The following NIBAN1 variants were observed in gnomAD, a reference collection of about 807,000 sequenced individuals.
NIBAN1 encodes the protein protein Niban 1.
A neutral mutation model predicts 75.1 loss-of-function variants in NIBAN1; 81 were observed. That is an observed-to-expected ratio of 1.08 (90% CI 0.90 to 1.30). NIBAN1 has a LOEUF of 1.30. Ranked by LOEUF, NIBAN1 falls within the 50% of genes most tolerant of loss-of-function variation. The probability of loss-of-function intolerance (pLI) is 0.00; values close to 1 mark genes in which losing one functional copy is unlikely to be tolerated. For missense variants in NIBAN1, 1,133 were observed against 1,128.1 expected, an observed-to-expected ratio of 1.00 and a Z score of -0.06; for synonymous variants, 436 against 424.8, an observed-to-expected ratio of 1.03 and a Z score of -0.32.
intron 1 of NIBAN1, 71 bp from the exon 2 acceptor site, chr1:184,899,380 A>T: frequency 6.7e-7 from 1 of 1,502,438 alleles, no homozygotes; most frequent in South Asian, 1.2e-5. Flanking sequence ...AGTTCCAAAA[A>T]CCATCCCTCC....
At chr1:184,964,483 CCTT>C (rs768596377) in intron 1 of NIBAN1, among the ~76,000 whole-genome samples, 2 of 152,212 alleles carry the variant, frequency 1.3e-5, no homozygotes, top group Non-Finnish European at 2.9e-5. Context: ...TAAGTTCAAA[CCTT>C]CTTCTACTAC....
chr1:184,814,963 C>T (rs936115260), intron 9 of NIBAN1, among the ~76,000 whole-genome samples: 3 of 152,098 alleles, frequency 2.0e-5, no homozygotes, highest in African/African-American at 4.8e-5. Context: ...CATTCCATGA[C>T]TCATCATGGA....
intron 6 of NIBAN1, among the ~76,000 whole-genome samples, chr1:184,828,831 G>A (rs1392423915): frequency 1.3e-5 from 2 of 151,214 alleles, no homozygotes; most frequent in African/African-American, 4.9e-5. Flanking sequence ...TTTGAGACAG[G>A]GTCTCTCTGT....
At chr1:184,872,148 A>G (rs1656123526) in intron 5 of NIBAN1, among the ~76,000 whole-genome samples, 1 of 152,206 alleles carries the variant, frequency 6.6e-6, no homozygotes, top group South Asian at 2.1e-4. Flanking sequence ...CGGAATATAA[A>G]ATATATTGTT....
rs554409874 is a variant in NIBAN1 at position 184,825,973 on chromosome 1, G to A, written c.718-2231C>T. On this transcript the variant is annotated intron_variant, in intron 6 of 13. Transcript: ENST00000367511. ...ATGCTTTGGGAATTAAGGAAGATTT[G>A]CTCTGAGGTCACTGGTCACTAGTGG... Among the ~76,000 whole-genome samples the A allele has an allele frequency of 9.2e-5, 14 of 152,304 alleles. No individual in the cohort carries two copies. In the South Asian group the frequency reaches 2.9e-3, roughly 32 times the overall value.
chr1:184,894,732 A>G (rs1656755732), intron 2 of NIBAN1, among the ~76,000 whole-genome samples: 1 of 152,176 alleles, frequency 6.6e-6, no homozygotes. Flanking sequence ...CATGCTACTC[A>G]AGGAGATCAT....
At chr1:184,912,200 G>T (rs548899698) in intron 1 of NIBAN1, among the ~76,000 whole-genome samples, 1 of 151,892 alleles carries the variant, frequency 6.6e-6, no homozygotes, top group Admixed American at 6.6e-5. Flanking sequence ...TTTAATTCTA[G>T]TTTACTTATT....
At chr1:184,807,834 C>G (rs535265553) in intron 10 of NIBAN1, among the ~76,000 whole-genome samples, 3 of 152,304 alleles carry the variant, frequency 2.0e-5, no homozygotes, top group African/African-American at 7.2e-5. Flanking sequence ...TTTGACAAAT[C>G]AAGTAGTTAT....
chr1:184,922,659 T>G (rs887911383), intron 1 of NIBAN1, among the ~76,000 whole-genome samples: 1 of 152,210 alleles, frequency 6.6e-6, no homozygotes, highest in African/African-American at 2.4e-5. Flanking sequence ...CAGGCTGCAG[T>G]GCAATGGCAC....
At chr1:184,894,663 C>T (rs1480343748) in intron 2 of NIBAN1, among the ~76,000 whole-genome samples, 1 of 152,162 alleles carries the variant, frequency 6.6e-6, no homozygotes, top group Non-Finnish European at 1.5e-5. Context: ...TTACACCTGC[C>T]GATGCTGCCT....
chr1:184,806,166 C>A, intron 10 of NIBAN1, 110 bp from the exon 11 acceptor site: 1 of 753,696 alleles, frequency 1.3e-6, no homozygotes, highest in South Asian at 1.7e-5. Flanking sequence ...GATGAGTCCC[C>A]TCGGCTGCTA....
At chr1:184,843,944 G>C (rs1655366614) in intron 5 of NIBAN1, among the ~76,000 whole-genome samples, 1 of 152,158 alleles carries the variant, frequency 6.6e-6, no homozygotes, top group African/African-American at 2.4e-5. Context: ...TGACGTTGTG[G>C]GCATCTGTGT....
chr1:184,816,484 A>C (rs996012798), intron 9 of NIBAN1, among the ~76,000 whole-genome samples: 1 of 152,172 alleles, frequency 6.6e-6, no homozygotes, highest in Non-Finnish European at 1.5e-5. Context: ...CTGGCCCAAG[A>C]GGGGGAATTA....
chr1:184,831,712 A>G, intron 6 of NIBAN1, 135 bp downstream of exon 6: 1 of 653,864 alleles, frequency 1.5e-6, no homozygotes, highest in Non-Finnish European at 2.7e-6. Flanking sequence ...TGCAGACATG[A>G]GAGAGATGGT....
intron 5 of NIBAN1, among the ~76,000 whole-genome samples, chr1:184,842,419 T>A (rs1655311367): frequency 6.6e-6 from 1 of 152,162 alleles, no homozygotes; most frequent in African/African-American, 2.4e-5. Flanking sequence ...TGAGAACCAC[T>A]CCTCTACCCA....
chr1:184,918,413 T>C (rs1254759525), intron 1 of NIBAN1, among the ~76,000 whole-genome samples: 1 of 152,240 alleles, frequency 6.6e-6, no homozygotes, highest in African/African-American at 2.4e-5. Context: ...CTTCCCCTGA[T>C]AAAAGCCACC....
intron 5 of NIBAN1, among the ~76,000 whole-genome samples, chr1:184,836,179 G>A (rs934745747): frequency 6.6e-6 from 1 of 152,138 alleles, no homozygotes; most frequent in Admixed American, 6.5e-5. Context: ...TTGTGATATG[G>A]GGCTTAGTAC....
intron 6 of NIBAN1, 112 bp from the exon 7 acceptor site, chr1:184,823,854 C>G: frequency 2.5e-6 from 2 of 788,072 alleles, no homozygotes; most frequent in Non-Finnish European, 4.3e-6. Context: ...CAGATGAACT[C>G]TGTAGTAGGT....
intron 1 of NIBAN1, among the ~76,000 whole-genome samples, chr1:184,965,554 T>A (rs968810305): frequency 7.2e-5 from 11 of 152,118 alleles, no homozygotes; most frequent in African/African-American, 2.4e-4. Context: ...GAAAACCAAA[T>A]GCCATTTATT....
Sources: allele counts gnomAD v4.1 joint callset (sites outside exome capture counted in the v4.1 genomes callset), GRCh38; gene constraint gnomAD v4.1.1; transcripts MANE v1.5; gene names NCBI Gene and HGNC (gene_info 2026-07-23, HGNC 2026-07-21).